Variants in ATP6V1H observed in about 807,000 individuals in gnomAD.
ATP6V1H encodes ATPase H+ transporting V1 subunit H, also known as V-type proton ATPase subunit H.
ATP6V1H carries 39 observed loss-of-function variants against 71.7 expected under a neutral mutation model. That is an observed-to-expected ratio of 0.54 (90% CI 0.42 to 0.71). The LOEUF (loss-of-function observed/expected upper bound fraction) is 0.71. Among genes scored for constraint, ATP6V1H ranks in the 30% least tolerant of loss-of-function variants. The probability of loss-of-function intolerance (pLI) is 0.00; values close to 1 mark genes in which losing one functional copy is unlikely to be tolerated. For synonymous variants in ATP6V1H, 192 were observed against 199.3 expected (o/e 0.96, Z 0.31); for missense variants, 509 against 594.9 (o/e 0.86, Z 1.50).
chr8:53,841,316 CCCACTTATT>C (rs1811333751), intron 2 of ATP6V1H, among the ~76,000 whole-genome samples: 1 of 152,284 alleles, frequency 6.6e-6, no homozygotes. Flanking sequence ...TCCTATGTTT[CCCACTTATT>C]CCAAAAGTAC....
intron 7 of ATP6V1H, among the ~76,000 whole-genome samples, chr8:53,810,404 T>G (rs1030277322): frequency 4.6e-5 from 7 of 151,820 alleles, no homozygotes; most frequent in African/African-American, 1.7e-4. Flanking sequence ...CTTAATTATG[T>G]AGATTATTTA....
In ATP6V1H at chr8:53,746,644, G is replaced by A. The variant is rs139029466; in HGVS notation, c.1278-2954C>T. 2.3e-3 allele frequency among the ~76,000 whole-genome samples: 344 copies of A among 152,192 alleles called. 2 individuals carry two copies. The highest frequency in any genetic ancestry group is 8.0e-3 in the African/African-American group (333 of 41,540). On this transcript the variant is annotated intron_variant, in intron 12 of 13. Coordinates refer to ENST00000359530, the MANE Select transcript of ATP6V1H (RefSeq NM_015941.4). ...CAGAGCCCAGTGGGTCTCATACCAAGTGGATGATCTCGCCCCACTGAAACT... is the reference window on the plus strand; with the variant it reads ...CAGAGCCCAGTGGGTCTCATACCAAATGGATGATCTCGCCCCACTGAAACT...
chr8:53,733,507 A>G (rs1807098725), intron 13 of ATP6V1H, among the ~76,000 whole-genome samples: 1 of 152,238 alleles, frequency 6.6e-6, no homozygotes. Context: ...CTGCTCCGGC[A>G]CCTGGAGGAC....
chr8:53,754,242 G>A (rs1807911684), intron 12 of ATP6V1H, among the ~76,000 whole-genome samples: 1 of 152,160 alleles, frequency 6.6e-6, no homozygotes, highest in Non-Finnish European at 1.5e-5. Flanking sequence ...AAGAAAAAAG[G>A]AAGGCATGAG....
At chr8:53,794,330 A>T (rs1345129077) in intron 9 of ATP6V1H, among the ~76,000 whole-genome samples, 1 of 152,166 alleles carries the variant, frequency 6.6e-6, no homozygotes, top group African/African-American at 2.4e-5. Flanking sequence ...ATCTACATTA[A>T]ATTTTGCAAT....
chr8:53,822,628 A>G (rs566950603), intron 4 of ATP6V1H, among the ~76,000 whole-genome samples: 1 of 152,302 alleles, frequency 6.6e-6, no homozygotes, highest in East Asian at 1.9e-4. Context: ...CACAGTAATC[A>G]TAACACAGTA....
intron 13 of ATP6V1H, 73 bp downstream of exon 13, chr8:53,743,504 A>G (rs1807488523): frequency 1.9e-6 from 2 of 1,047,396 alleles, no homozygotes; most frequent in African/African-American, 1.6e-5. Flanking sequence ...AAGCATTTGC[A>G]TAAGAACTTT....
chr8:53,829,292 A>G (rs372152524), intron 4 of ATP6V1H, 152 bp downstream of exon 4: 25 of 556,030 alleles, frequency 4.5e-5, no homozygotes, highest in East Asian at 1.9e-4. Flanking sequence ...TAGCTCTATT[A>G]GCAAATTACA....
chr8:53,796,201 A>T (rs1209479720), intron 8 of ATP6V1H, among the ~76,000 whole-genome samples: 4 of 152,238 alleles, frequency 2.6e-5, no homozygotes, highest in Non-Finnish European at 5.9e-5. Context: ...GACCACCGAT[A>T]GCTTTAAAAT....
intron 4 of ATP6V1H, among the ~76,000 whole-genome samples, chr8:53,819,865 T>G (rs1209899626): frequency 6.7e-6 from 1 of 149,744 alleles, no homozygotes; most frequent in Non-Finnish European, 1.5e-5. Context: ...TACATTGAAC[T>G]GGTGGATGAG....
At chr8:53,776,299 G>A (rs1230629082) in intron 9 of ATP6V1H, among the ~76,000 whole-genome samples, 1 of 152,238 alleles carries the variant, frequency 6.6e-6, no homozygotes, top group African/African-American at 2.4e-5. Flanking sequence ...CTCCCTGCAA[G>A]CTGAGGGAGT....
intron 9 of ATP6V1H, among the ~76,000 whole-genome samples, chr8:53,774,759 T>C (rs1259505880): frequency 6.6e-6 from 1 of 151,768 alleles, no homozygotes; most frequent in African/African-American, 2.4e-5. Context: ...GCTCTCCTCC[T>C]GAAGATACGC....
At chr8:53,806,836 C>T (rs1743789703) in intron 7 of ATP6V1H, 2 of 454,590 alleles carry the variant, frequency 4.4e-6, no homozygotes, top group Non-Finnish European at 8.8e-6. Flanking sequence ...TTGAACAGCT[C>T]GTGTAATTTA....
intron 13 of ATP6V1H, among the ~76,000 whole-genome samples, chr8:53,734,255 A>G (rs549641773): frequency 1.3e-5 from 2 of 152,324 alleles, no homozygotes; most frequent in East Asian, 1.9e-4. Flanking sequence ...CCTGTCGAGC[A>G]TAACTGTGTA....
intron 12 of ATP6V1H, among the ~76,000 whole-genome samples, chr8:53,751,041 C>T (rs1046575076): frequency 6.6e-6 from 1 of 152,172 alleles, no homozygotes; most frequent in Non-Finnish European, 1.5e-5. Flanking sequence ...GGTAAAGGGA[C>T]TTGCCCAATC....
chr8:53,784,614 T>C (rs1375593179), intron 9 of ATP6V1H, among the ~76,000 whole-genome samples: 4 of 152,240 alleles, frequency 2.6e-5, no homozygotes, highest in Non-Finnish European at 5.9e-5. Flanking sequence ...CGTTAGTTGA[T>C]GCAGTTTCTT....
In ATP6V1H at chr8:53,782,149, G is replaced by A. The variant is rs575064469; in HGVS notation, c.871-9982C>T. On this transcript the variant is annotated intron_variant, in intron 9 of 13. Transcript: ENST00000359530. Reference sequence around the variant, plus strand: ...CCTTGGGCAGTATGGCCATTTTCACGATATTGATTCTTCCTACCCATGAGC... The same window carrying A: ...CCTTGGGCAGTATGGCCATTTTCACAATATTGATTCTTCCTACCCATGAGC... Among the ~76,000 whole-genome samples, 559 of 152,154 alleles carry A rather than the reference G, an allele frequency of 3.7e-3. 3 individuals are homozygous for A. The highest frequency in any genetic ancestry group is 0.013 in the African/African-American group (519 of 41,484).
chr8:53,787,926 A>G (rs1809436106), intron 9 of ATP6V1H, among the ~76,000 whole-genome samples: 2 of 152,210 alleles, frequency 1.3e-5, no homozygotes, highest in South Asian at 4.1e-4. Context: ...TAGCTCAGCA[A>G]GTTTTCTAAA....
intron 7 of ATP6V1H, among the ~76,000 whole-genome samples, chr8:53,807,894 G>A (rs1449094709): frequency 6.6e-6 from 1 of 152,212 alleles, no homozygotes; most frequent in Non-Finnish European, 1.5e-5. Flanking sequence ...AAGGGCTCCA[G>A]AACCACATAT....
Sources: gnomAD v4.1 joint callset for allele counts (sites outside exome capture counted in the v4.1 genomes callset) on GRCh38, gnomAD v4.1.1 for gene constraint, MANE v1.5 for transcripts, NCBI Gene and HGNC (gene_info 2026-07-23, HGNC 2026-07-21) for gene names.